ADGRB3: variants seen among roughly 807,000 people sequenced by gnomAD.
ADGRB3 encodes adhesion G protein-coupled receptor B3, also known as brain-specific angiogenesis inhibitor 3.
A neutral mutation model predicts 193.4 loss-of-function variants in ADGRB3; 37 were observed. The observed-to-expected ratio is 0.19, with a 90% CI of 0.15 to 0.25. The LOEUF (loss-of-function observed/expected upper bound fraction) is 0.25. Ranked by LOEUF, ADGRB3 falls within the 10% of genes least tolerant of loss-of-function variation. ADGRB3 has a pLI of 1.00. For synonymous variants in ADGRB3, 690 were observed against 644.2 expected (o/e 1.07, Z -1.08); for missense variants, 1,637 against 1,852.9 (o/e 0.88, Z 2.14).
intron 3 of ADGRB3, among the ~76,000 whole-genome samples, chr6:68,725,949 G>A (rs534246589): frequency 8.6e-5 from 13 of 151,502 alleles, no homozygotes; most frequent in Non-Finnish European, 1.9e-4. Flanking sequence ...AGGAAGGGTG[G>A]AGGTGAACAA....
chr6:69,085,162 G>A (rs2150315672), intron 17 of ADGRB3, among the ~76,000 whole-genome samples: 1 of 152,180 alleles, frequency 6.6e-6, no homozygotes, highest in Middle Eastern at 3.4e-3. Flanking sequence ...TGTCTCTACT[G>A]TGTGAAATGT....
intron 3 of ADGRB3, among the ~76,000 whole-genome samples, chr6:68,669,267 A>T (rs960477145): frequency 6.6e-6 from 1 of 151,852 alleles, no homozygotes; most frequent in African/African-American, 2.4e-5. Context: ...GTACAATGAA[A>T]TTATTATTGA....
At chr6:68,932,218 T>C (rs1767357952) in intron 4 of ADGRB3, among the ~76,000 whole-genome samples, 5 of 152,324 alleles carry the variant, frequency 3.3e-5, no homozygotes, top group Admixed American at 3.3e-4. Context: ...ATTGGTTTAC[T>C]GAAGTTCCTA....
intron 3 of ADGRB3, among the ~76,000 whole-genome samples, chr6:68,805,148 G>C (rs1462641092): frequency 6.6e-6 from 1 of 152,042 alleles, no homozygotes; most frequent in Non-Finnish European, 1.5e-5. Flanking sequence ...GCCCAGGCTG[G>C]TATCTATCTA....
At chr6:68,708,449 A>G (rs1228866321) in intron 3 of ADGRB3, among the ~76,000 whole-genome samples, 1 of 152,096 alleles carries the variant, frequency 6.6e-6, no homozygotes, top group South Asian at 2.1e-4. Flanking sequence ...CTTTGAAAGC[A>G]TTTCTATTCC....
Position 68,790,051 on chromosome 6 carries a change from C to G in ADGRB3, c.758-140508C>G, listed in dbSNP as rs114472765. ...GCATTGGTTATTCTAGTTATCTGGT[C>G]GTCTAATTTTTTTTCAAAGCTTTTA... On this transcript the variant is annotated intron_variant, in intron 3 of 31. Coordinates refer to ENST00000370598, the MANE Select transcript of ADGRB3 (RefSeq NM_001704.3). Among the ~76,000 whole-genome samples, 412 of 152,204 alleles carry G rather than the reference C, an allele frequency of 2.7e-3. 1 individual carries two copies. Among genetic ancestry groups the G allele is most frequent in the African/African-American group, 9.4e-3 (392 of 41,508 alleles).
intron 20 of ADGRB3, among the ~76,000 whole-genome samples, chr6:69,315,137 G>A (rs113850206): frequency 2.6e-5 from 4 of 151,460 alleles, no homozygotes; most frequent in Non-Finnish European, 4.4e-5. Context: ...TAACAGTACT[G>A]TTAAAGAATA....
chr6:69,279,452 C>CTG (rs56686568), intron 20 of ADGRB3, among the ~76,000 whole-genome samples: 19,102 of 147,942 alleles, frequency 0.13, 1,288 homozygotes, highest in Admixed American at 0.2. Context: ...GTCAAGAATG[C>CTG]TGTGTGTGTG....
Position 68,970,348 on chromosome 6 carries a change from G to A in ADGRB3, c.1526-4415G>A, listed in dbSNP as rs571685419. ...CACCCAGGCTGGAGTGCAGTGACAC[G>A]ATCTTGGCTCACTGCAAACCCTGCC... On this transcript the variant is annotated intron_variant, in intron 8 of 31. Transcript: ENST00000370598. Among the ~76,000 whole-genome samples the A allele has an allele frequency of 5.0e-4, 75 of 150,638 alleles. 1 individual carries two copies. The highest frequency in any genetic ancestry group is 8.9e-4 in the Non-Finnish European group (60 of 67,776).
At chr6:69,212,355 A>G (rs964307515) in intron 17 of ADGRB3, among the ~76,000 whole-genome samples, 1 of 152,138 alleles carries the variant, frequency 6.6e-6, no homozygotes, top group Non-Finnish European at 1.5e-5. Context: ...GAAACATAAG[A>G]CTGTTTAAGA....
At chr6:68,913,963 G>T (rs10223565) in intron 3 of ADGRB3, among the ~76,000 whole-genome samples, 115,590 of 146,862 alleles carry the variant, frequency 0.79, 46,089 homozygotes, top group Middle Eastern at 0.85. Context: ...ATGAAATGAA[G>T]GAAATGAAGC....
At chr6:68,857,602 T>G (rs115401392) in intron 3 of ADGRB3, among the ~76,000 whole-genome samples, 2 of 152,214 alleles carry the variant, frequency 1.3e-5, no homozygotes, top group Non-Finnish European at 2.9e-5. Context: ...GCATTGTATC[T>G]AGGAAGTAAC....
At chr6:69,026,751 G>A (rs1770442407) in intron 13 of ADGRB3, among the ~76,000 whole-genome samples, 1 of 152,164 alleles carries the variant, frequency 6.6e-6, no homozygotes, top group African/African-American at 2.4e-5. Flanking sequence ...ACATGTTACT[G>A]TATTGAATAC....
At chr6:69,212,083 A>G (rs1323152407) in intron 17 of ADGRB3, among the ~76,000 whole-genome samples, 2 of 152,220 alleles carry the variant, frequency 1.3e-5, no homozygotes, top group Non-Finnish European at 2.9e-5. Flanking sequence ...ATGCAAGAAC[A>G]TAATTAATTT....
chr6:69,017,941 TA>T (rs1321867189), intron 12 of ADGRB3, among the ~76,000 whole-genome samples: 2 of 152,072 alleles, frequency 1.3e-5, no homozygotes, highest in East Asian at 3.9e-4. Flanking sequence ...TCTCTGAAGA[TA>T]TTTATTATTA....
intron 17 of ADGRB3, among the ~76,000 whole-genome samples, chr6:69,091,215 G>A (rs1772695156): frequency 6.6e-6 from 1 of 152,200 alleles, no homozygotes; most frequent in African/African-American, 2.4e-5. Flanking sequence ...TTCAGCCATT[G>A]TGGAAGACAG....
At chr6:68,738,549 G>C (rs140021903) in intron 3 of ADGRB3, among the ~76,000 whole-genome samples, 8 of 152,104 alleles carry the variant, frequency 5.3e-5, no homozygotes, top group African/African-American at 1.9e-4. Flanking sequence ...GGAGAAGGTC[G>C]TGAAGATAAT....
Position 68,840,369 on chromosome 6 carries a change from C to CTTTTTTTTTTTTTTTTTTTTTTTTTTT in ADGRB3, c.758-90177_758-90151dup, listed in dbSNP as rs752625602. On this transcript the variant is annotated intron_variant, in intron 3 of 31. Coordinates refer to ENST00000370598, the MANE Select transcript of ADGRB3 (RefSeq NM_001704.3). ...GCAGTGGAGTAAGGCACTGGGCAGTCTTTTTTTTTTTTTTTTTTTTTTTTT... is the reference window on the plus strand; with the variant it reads ...GCAGTGGAGTAAGGCACTGGGCAGTCTTTTTTTTTTTTTTTTTTTTTTTTTTTTTTTTTTTTTTTTTTTTTTTTTTTT... Among the ~76,000 whole-genome samples, 2 of 69,428 alleles carry CTTTTTTTTTTTTTTTTTTTTTTTTTTT rather than the reference C, an allele frequency of 2.9e-5. 1 individual carries two copies. The highest frequency in any genetic ancestry group is 4.9e-5 in the Non-Finnish European group (2 of 40,868). The allele number at this position is 69,428 out of a possible 152,430, so 45.5% of individuals were successfully genotyped here. A position where few individuals can be genotyped will look rare whatever the true frequency, so the allele number is the denominator to read the frequency against.
intron 3 of ADGRB3, among the ~76,000 whole-genome samples, chr6:68,915,049 A>T (rs529474302): frequency 2.4e-4 from 37 of 152,314 alleles, no homozygotes; most frequent in African/African-American, 8.7e-4. Flanking sequence ...AGATGTCTGC[A>T]AATTTAGAAA....
Sources: allele counts gnomAD v4.1 joint callset (sites outside exome capture counted in the v4.1 genomes callset), GRCh38; gene constraint gnomAD v4.1.1; transcripts MANE v1.5; gene names NCBI Gene and HGNC (gene_info 2026-07-23, HGNC 2026-07-21).